The following MYO19 variants were observed in gnomAD, a reference collection of about 807,000 sequenced individuals.
The protein encoded by MYO19 is myosin XIX, also known as unconventional myosin-XIX.
Under a neutral mutation model 129.2 loss-of-function variants are expected in MYO19, and 132 were observed. That is an observed-to-expected ratio of 1.02 (90% confidence interval 0.89 to 1.18). The LOEUF is 1.18. Ranked by LOEUF, MYO19 falls within the 50% of genes most tolerant of loss-of-function variation. MYO19 has a pLI of 0.00. For missense variants in MYO19, 1,210 were observed against 1,216.7 expected (o/e 0.99, Z 0.08); for synonymous variants, 531 against 477.2 (o/e 1.11, Z -1.47).
chr17:36,541,353 C>T (rs1212184460), intron 2 of MYO19, among the ~76,000 whole-genome samples: 3 of 152,196 alleles, frequency 2.0e-5, no homozygotes, highest in Non-Finnish European at 4.4e-5. Flanking sequence ...GCATAAATGT[C>T]CAATGTATTT....
upstream of MYO19, chr17:36,538,701 G>A: frequency 9.0e-7 from 1 of 1,105,968 alleles, no homozygotes; most frequent in Non-Finnish European, 1.3e-6. Context: ...TGGCAACAGT[G>A]TTAACCATAT....
In MYO19 at chr17:36,501,162, T is replaced by C; in HGVS notation, c.2154A>G (p.Leu718=). 1 of 1,614,048 alleles carries C rather than the reference T, an allele frequency of 6.2e-7. No homozygotes were observed. Among genetic ancestry groups the C allele is most frequent in the Non-Finnish European group, 8.5e-7 (1 of 1,179,890 alleles). Residue 718 remains leucine (L), a synonymous_variant, in exon 22 of 26, where the codon CTA becomes CTG. Transcript: ENST00000614623. ...IQDILHTLPV[L]TQAAAITGDS... is the part of the protein sequence containing the mutation. ...CACCAGTTATGGCTGCTGCCTGAGT[T>C]AGGACCGGCAGAGTGTGGAGAATGT...
At chr17:36,513,022 C>T (rs1424847784) in intron 11 of MYO19, 2 of 1,013,702 alleles carry the variant, frequency 2.0e-6, no homozygotes, top group African/African-American at 3.3e-5. Flanking sequence ...CTCTGGTTTT[C>T]TCAGGCATAA....
intron 20 of MYO19, among the ~76,000 whole-genome samples, 197 bp from the exon 21 acceptor site, chr17:36,503,397 C>A (rs1369281835): frequency 6.6e-6 from 1 of 152,216 alleles, no homozygotes; most frequent in African/African-American, 2.4e-5. Flanking sequence ...CCCATAAAGA[C>A]TATTTAAAAT....
At chr17:36,514,614 G>C in intron 8 of MYO19, 66 bp from the exon 9 acceptor site, 1 of 1,098,914 alleles carries the variant, frequency 9.1e-7, no homozygotes, top group South Asian at 1.3e-5. Flanking sequence ...CTGGCAATCT[G>C]GGTGTGCCAG....
At chr17:36,506,754 C>G in intron 17 of MYO19, 146 bp from the exon 18 acceptor site, 7 of 1,136,806 alleles carry the variant, frequency 6.2e-6, no homozygotes, top group Non-Finnish European at 8.5e-6. Flanking sequence ...AACCAGAGAC[C>G]TGGAGACCCA....
At chr17:36,537,056 CTTTTCACAAATCCATTCCTTTGCTCTTG>C, upstream of MYO19, 1 of 1,503,956 alleles carries the variant, frequency 6.6e-7, no homozygotes, top group Non-Finnish European at 9.0e-7. Flanking sequence ...AAGAATGCTG[CTTTTCACAAATCCATTCCTTTGCTCTTG>C]TTTTCACAGG....
rs549141653 is a variant in MYO19 at position 36,511,530 on chromosome 17, TGAGTACAATCACGACA to T, written c.895-91_895-76del. On this transcript the variant is annotated intron_variant, in intron 11 of 25. Coordinates refer to ENST00000614623, the MANE Select transcript of MYO19 (RefSeq NM_001163735.2). ...CCTACTCTGGGAAGGGCCGTTCTGC[TGAGTACAATCACGACA>T]GCAGAAGGGCAGCTCCCAATCATGG... 1.3e-4 allele frequency: 170 copies of T among 1,335,600 alleles called. No homozygotes were observed. The African/African-American group carries it at 2.3e-3, about 18-fold the overall frequency. The allele number at this position is 1,335,600 out of a possible 1,614,324, so 82.7% of individuals were successfully genotyped here.
chr17:36,516,149 T>G (rs1250299666), intron 6 of MYO19, among the ~76,000 whole-genome samples, 159 bp from the exon 7 acceptor site: 4 of 152,158 alleles, frequency 2.6e-5, no homozygotes, highest in Non-Finnish European at 1.5e-5. Flanking sequence ...GCAAGGCACT[T>G]CCTCTACCTC....
rs1316562111 is a variant in MYO19, at chr17:36,496,180, G to A, written c.*71C>T. The A allele has an allele frequency of 1.9e-6, 3 of 1,569,570 alleles. No individual in the cohort carries two copies. Among genetic ancestry groups the A allele is most frequent in the South Asian group, 2.3e-5 (2 of 87,850 alleles). On this transcript the variant is annotated 3_prime_UTR_variant, in exon 26 of 26. Coordinates refer to ENST00000614623, the MANE Select transcript of MYO19 (RefSeq NM_001163735.2). ...GCACTGTGGGAATAGTCTGGCAGCT[G>A]TGTGCTGATTAAATGTCTTTGGCAA...
Position 36,510,870 on chromosome 17 carries a change from G to A in MYO19, c.1033C>T (p.Leu345=). 1 of 1,582,636 alleles carries A rather than the reference G, an allele frequency of 6.3e-7. No individual in the cohort carries two copies. Among genetic ancestry groups the A allele is most frequent in the Non-Finnish European group, 8.6e-7 (1 of 1,164,178 alleles). The change falls in exon 13 of 26, where the codon CTG becomes TTG. Residue 345 remains leucine (L), a synonymous_variant. Transcript: ENST00000614623. ...GTTCTAATCTGCACCATCTCCAGCAGCACGTCCTCTGGGAGCCCCAGCAGC... is the reference window on the plus strand; with the variant it reads ...GTTCTAATCTGCACCATCTCCAGCAACACGTCCTCTGGGAGCCCCAGCAGC... ...ASLLGLPEDV[L]LEMVQIRTIR... is the part of the protein sequence containing the mutation.
intron 3 of MYO19, among the ~76,000 whole-genome samples, 162 bp downstream of exon 3, chr17:36,532,365 G>A (rs2073880929): frequency 6.6e-6 from 1 of 152,164 alleles, no homozygotes; most frequent in South Asian, 2.1e-4. Flanking sequence ...TTCAAATTAG[G>A]TATCAGGAAG....
upstream of MYO19, chr17:36,537,231 C>T: frequency 6.2e-7 from 1 of 1,614,144 alleles, no homozygotes; most frequent in Non-Finnish European, 8.5e-7. Context: ...CATTTTCTCA[C>T]AGTACTTGTG....
chr17:36,507,283 G>T, intron 16 of MYO19, 116 bp downstream of exon 16: 1 of 1,406,320 alleles, frequency 7.1e-7, no homozygotes, highest in Non-Finnish European at 9.8e-7. Flanking sequence ...GCAATTAGCA[G>T]ATCTATTTGG....
intron 16 of MYO19, 103 bp from the exon 17 acceptor site, chr17:36,507,242 G>C: frequency 6.7e-7 from 1 of 1,492,572 alleles, no homozygotes; most frequent in Non-Finnish European, 9.1e-7. Context: ...CATCACACAG[G>C]CATCATAGTG....
At position 36,527,717 on chromosome 17, in the gene MYO19, T is replaced by C; in HGVS notation, c.152-18A>G. The C allele has an allele frequency of 6.2e-7, 1 of 1,601,868 alleles. No homozygotes were observed. Among genetic ancestry groups the C allele is most frequent in the Non-Finnish European group, 8.5e-7 (1 of 1,173,690 alleles). ...CCTCAGGACTGAGGCAGAGATGCCT[T>C]TAGCAAACTCGGGCTCAAATATAGT... On this transcript the variant is annotated intron_variant, in intron 4 of 25. Transcript: ENST00000614623.
At chr17:36,543,221 T>A (rs1267386503) in exon 1 of MYO19, 1 of 152,160 alleles carries the variant, frequency 6.6e-6, no homozygotes, top group East Asian at 1.9e-4. Flanking sequence ...AATGGCGCGA[T>A]CTCGGATCAT....
chr17:36,525,483 G>A (rs530862799), intron 5 of MYO19, 142 bp from the exon 6 acceptor site: 2 of 647,284 alleles, frequency 3.1e-6, no homozygotes, highest in East Asian at 5.2e-5. Flanking sequence ...ATGTCACATT[G>A]TTAGGCCCAA....
chr17:36,535,395 C>G (rs576018718), upstream of MYO19: 1 of 152,404 alleles, frequency 6.6e-6, no homozygotes, highest in East Asian at 1.9e-4. Context: ...GGGTAGCCCA[C>G]GGGACACTGG....
Sources: allele counts gnomAD v4.1 joint callset (sites outside exome capture counted in the v4.1 genomes callset), GRCh38; gene constraint gnomAD v4.1.1; transcripts MANE v1.5; gene names NCBI Gene and HGNC (gene_info 2026-07-23, HGNC 2026-07-21).